VWC2: variants seen among roughly 807,000 people sequenced by gnomAD.
VWC2 encodes the protein brorin.
Under a neutral mutation model 29.8 loss-of-function variants are expected in VWC2, and 14 were observed. The ratio of observed to expected loss-of-function variants is 0.47; its 90% confidence interval spans 0.31 to 0.74. VWC2 has a LOEUF of 0.74. VWC2 is among the 30% of genes least tolerant of loss of function. The pLI, the probability that VWC2 is intolerant of heterozygous loss-of-function variation, is 0.05. For synonymous variants in VWC2, 213 were observed against 199.0 expected, an observed-to-expected ratio of 1.07 and a Z score of -0.59; for missense variants, 457 against 459.8, an observed-to-expected ratio of 0.99 and a Z score of 0.05.
At chr7:49,907,857 G>C (rs2128940) in intron 3 of VWC2, among the ~76,000 whole-genome samples, 1 of 152,088 alleles carries the variant, frequency 6.6e-6, no homozygotes, top group Non-Finnish European at 1.5e-5. Flanking sequence ...TTAAGATAAG[G>C]GGTTGTGGAG....
intron 2 of VWC2, among the ~76,000 whole-genome samples, chr7:49,788,049 A>C (rs1006935088): frequency 8.5e-5 from 13 of 152,198 alleles, no homozygotes; most frequent in Non-Finnish European, 1.5e-4. Context: ...CATCAAACGG[A>C]GAAACCACAG....
At chr7:49,783,891 A>C (rs1023217012) in intron 2 of VWC2, among the ~76,000 whole-genome samples, 3 of 151,748 alleles carry the variant, frequency 2.0e-5, no homozygotes, top group Non-Finnish European at 4.4e-5. Flanking sequence ...CTCTAAAAAA[A>C]ATAATAATAA....
At chr7:49,828,085 C>T (rs566530282) in intron 3 of VWC2, among the ~76,000 whole-genome samples, 15 of 152,196 alleles carry the variant, frequency 9.9e-5, no homozygotes, top group East Asian at 5.8e-4. Flanking sequence ...AGATTATTTC[C>T]GCTTGTTCAG....
At chr7:49,874,969 T>C (rs1791335206) in intron 3 of VWC2, among the ~76,000 whole-genome samples, 1 of 152,198 alleles carries the variant, frequency 6.6e-6, no homozygotes, top group African/African-American at 2.4e-5. Flanking sequence ...AGAGGTGTCT[T>C]TGAAATAGTT....
At chr7:49,890,221 A>T (rs567958104) in intron 3 of VWC2, among the ~76,000 whole-genome samples, 21 of 152,190 alleles carry the variant, frequency 1.4e-4, no homozygotes, top group Non-Finnish European at 2.2e-4. Context: ...TACTATCCTA[A>T]TAATTTTCCC....
intron 1 of VWC2, 67 bp from the exon 2 acceptor site, chr7:49,775,266 G>C (rs897250524): frequency 2.2e-5 from 7 of 321,048 alleles, no homozygotes; most frequent in Non-Finnish European, 3.8e-5. Context: ...GAGCCCGGGT[G>C]GGGGCCGCGG....
intron 3 of VWC2, among the ~76,000 whole-genome samples, chr7:49,819,882 A>G (rs1016168490): frequency 5.9e-5 from 9 of 152,080 alleles, no homozygotes; most frequent in Non-Finnish European, 1.0e-4. Flanking sequence ...GGGTACCTTT[A>G]GTCTTTGTAA....
At chr7:49,799,865 G>C (rs1224473784) in intron 2 of VWC2, among the ~76,000 whole-genome samples, 1 of 152,188 alleles carries the variant, frequency 6.6e-6, no homozygotes, top group Non-Finnish European at 1.5e-5. Flanking sequence ...AACCTGCACA[G>C]CACGTTACTG....
At chr7:49,830,667 C>G (rs951467085) in intron 3 of VWC2, among the ~76,000 whole-genome samples, 3 of 152,120 alleles carry the variant, frequency 2.0e-5, no homozygotes, top group African/African-American at 7.2e-5. Context: ...ATCCCTCCCC[C>G]ACCCCCTCAC....
At chr7:49,829,321 T>TA (rs1254715412) in intron 3 of VWC2, among the ~76,000 whole-genome samples, 4 of 152,220 alleles carry the variant, frequency 2.6e-5, no homozygotes, top group Non-Finnish European at 5.9e-5. Flanking sequence ...TCTGAACTCT[T>TA]AGAGTCTCTC....
chr7:49,846,144 A>C (rs1583668152), intron 3 of VWC2, among the ~76,000 whole-genome samples: 1 of 152,242 alleles, frequency 6.6e-6, no homozygotes, highest in African/African-American at 2.4e-5. Flanking sequence ...TAAGCAAGTC[A>C]ATAGAGCCAA....
chr7:49,907,983 G>A (rs1229697629), intron 3 of VWC2, among the ~76,000 whole-genome samples: 7 of 152,136 alleles, frequency 4.6e-5, no homozygotes. Flanking sequence ...AAAAGACCTG[G>A]AAAGGGAAGG....
rs1793482701 is a variant in VWC2 at position 49,912,023 on chromosome 7, C to T, written c.827-11C>T. On this transcript the variant is annotated splice_polypyrimidine_tract_variant and intron_variant, in intron 3 of 3. Coordinates refer to ENST00000340652, the MANE Select transcript of VWC2 (RefSeq NM_198570.5). The stretch of plus-strand genomic sequence containing the variant: ...CACACATATAGTATAAAACATTTTT[C>T]TGCATTTCAGGTCCAAACTGCTTTG... 1.2e-6 allele frequency: 2 copies of T among 1,608,396 alleles called. No individual in the cohort carries two copies. The highest frequency in any genetic ancestry group is 2.7e-5 in the African/African-American group (2 of 74,538).
chr7:49,880,082 G>A (rs1018224684), intron 3 of VWC2, among the ~76,000 whole-genome samples: 18 of 152,066 alleles, frequency 1.2e-4, no homozygotes, highest in African/African-American at 3.6e-4. Flanking sequence ...ATCATGATTT[G>A]GAATAATAAC....
At chr7:49,911,769 C>A (rs1793452340) in intron 3 of VWC2, among the ~76,000 whole-genome samples, 1 of 151,750 alleles carries the variant, frequency 6.6e-6, no homozygotes, top group Admixed American at 6.6e-5. Context: ...TAGTGGCATG[C>A]CCCTGTAATC....
intron 3 of VWC2, among the ~76,000 whole-genome samples, chr7:49,839,487 A>G (rs568062712): frequency 6.6e-6 from 1 of 152,198 alleles, no homozygotes; most frequent in Non-Finnish European, 1.5e-5. Flanking sequence ...GAACTGAATG[A>G]TGTTTCACAT....
In VWC2 at chr7:49,813,044, C is replaced by T. The variant is rs370862608; in HGVS notation, c.826+10204C>T. On this transcript the variant is annotated intron_variant, in intron 3 of 3. Coordinates refer to ENST00000340652, the MANE Select transcript of VWC2 (RefSeq NM_198570.5). ...AGTTCCTTGTGCATAACGTGGAAGT[C>T]CAACTCCCCACATGTCCCGCTCTCC... is the stretch of plus-strand genomic sequence containing the variant. 1.4e-3 allele frequency among the ~76,000 whole-genome samples: 213 copies of T among 152,272 alleles called. 1 individual carries two copies. Among genetic ancestry groups the T allele is most frequent in the African/African-American group, 5.0e-3 (208 of 41,552 alleles).
chr7:49,846,152 C>T (rs534251781), intron 3 of VWC2, among the ~76,000 whole-genome samples: 12 of 152,132 alleles, frequency 7.9e-5, no homozygotes, highest in Non-Finnish European at 1.5e-4. Context: ...TCAATAGAGC[C>T]AACCAGACTT....
At chr7:49,779,262 A>G (rs1788123613) in intron 2 of VWC2, among the ~76,000 whole-genome samples, 1 of 152,140 alleles carries the variant, frequency 6.6e-6, no homozygotes, top group Non-Finnish European at 1.5e-5. Flanking sequence ...AGTTTTCTGC[A>G]TATTCTAAAC....
Sources: gnomAD v4.1 joint callset for allele counts (sites outside exome capture counted in the v4.1 genomes callset) on GRCh38, gnomAD v4.1.1 for gene constraint, MANE v1.5 for transcripts, NCBI Gene and HGNC (gene_info 2026-07-23, HGNC 2026-07-21) for gene names.